The following IL22RA1 variants were observed in gnomAD, a reference collection of about 807,000 sequenced individuals.
IL22RA1 encodes the protein interleukin 22 receptor subunit alpha 1, also known as interleukin-22 receptor subunit alpha-1.
Under a neutral mutation model 32.8 loss-of-function variants are expected in IL22RA1, and 25 were observed. The observed-to-expected ratio is 0.76, with a 90% CI of 0.55 to 1.06. The LOEUF (loss-of-function observed/expected upper bound fraction) is 1.06. Ranked by LOEUF, IL22RA1 falls within the 50% of genes least tolerant of loss-of-function variation. The pLI is 0.00. For synonymous variants in IL22RA1, 305 were observed against 305.0 expected (o/e 1.00, Z 0.00); for missense variants, 709 against 727.4 (o/e 0.97, Z 0.29).
At chr1:24,128,415 C>T in intron 4 of IL22RA1, 136 bp from the exon 5 acceptor site, 5 of 994,346 alleles carry the variant, frequency 5.0e-6, no homozygotes, top group Non-Finnish European at 7.7e-6. Flanking sequence ...TTCCATTCCC[C>T]TCCCTTCTGC....
In IL22RA1 at chr1:24,143,103, C is replaced by A; in HGVS notation, c.-21G>T. Reference sequence around the variant, plus strand: ...CTCATCGGGGCTGGCACAGAGCCCTCCCTTGGCCTCTACTCTGCCGTGCAC... The same window carrying A: ...CTCATCGGGGCTGGCACAGAGCCCTACCTTGGCCTCTACTCTGCCGTGCAC... On this transcript the variant is annotated 5_prime_UTR_variant, in exon 1 of 7. Transcript: ENST00000270800. 1 of 1,609,782 alleles carries A rather than the reference C, an allele frequency of 6.2e-7. No individual in the cohort carries two copies. The highest frequency in any genetic ancestry group is 2.2e-5 in the East Asian group (1 of 44,770).
chr1:24,131,085 A>C (rs1421957093), intron 4 of IL22RA1, among the ~76,000 whole-genome samples: 1 of 152,240 alleles, frequency 6.6e-6, no homozygotes, highest in Non-Finnish European at 1.5e-5. Flanking sequence ...ATGAATAGAA[A>C]ATCTCAGTAG....
rs757926578 is a variant in IL22RA1 at position 24,134,295 on chromosome 1, G to A, written c.447C>T (p.Gly149=). ...VHPTPTPIRA[G]DGHRLTLEDI... is the part of the protein sequence containing the mutation. ...CTTCCAGGGTTAGCCGGTGGCCATCGCCTGCACGGATTGGCGTGGGGGTAG... is the reference window on the plus strand; with the variant it reads ...CTTCCAGGGTTAGCCGGTGGCCATCACCTGCACGGATTGGCGTGGGGGTAG... Residue 149 remains glycine (G), a synonymous_variant, in exon 4 of 7, where the codon GGC becomes GGT. Transcript: ENST00000270800. 17 of 1,609,470 alleles carry A rather than the reference G, an allele frequency of 1.1e-5. No homozygotes were observed. In the South Asian group the frequency reaches 1.1e-4, roughly 10 times the overall value.
At chr1:24,139,276 C>A (rs1479325630) in intron 1 of IL22RA1, among the ~76,000 whole-genome samples, 1 of 152,208 alleles carries the variant, frequency 6.6e-6, no homozygotes, top group Non-Finnish European at 1.5e-5. Context: ...TGGATTAGTA[C>A]TTCCTTTTTA....
chr1:24,123,406 A>C lies in IL22RA1; in HGVS notation c.688T>G (p.Ser230Ala), dbSNP rs752080358. The change falls in exon 6 of 7, where the codon TCC (serine) becomes GCC (alanine). Residue 230 changes from serine to alanine, a missense_variant. By Grantham distance (99) the Ser-to-Ala change is moderately conservative (BLOSUM62 1). Coordinates refer to ENST00000270800, the MANE Select transcript of IL22RA1 (RefSeq NM_021258.4). ...GAGAACAGGAAGGCTCCGGAGAAGG[A>C]GTAGGTCCATGTCCGGTCTGGGAAA... ...KTLPDRTWTY[S>A]FSGAFLFSMG... is the part of the protein sequence containing the mutation. The C allele has an allele frequency of 6.2e-7, 1 of 1,613,766 alleles. No individual in the cohort carries two copies. Among genetic ancestry groups the C allele is most frequent in the South Asian group, 1.1e-5 (1 of 90,950 alleles).
chr1:24,140,457 C>A (rs985357369), intron 1 of IL22RA1, among the ~76,000 whole-genome samples: 1 of 152,072 alleles, frequency 6.6e-6, no homozygotes, highest in African/African-American at 2.4e-5. Flanking sequence ...GGGACCTGAG[C>A]ACCTGATAAA....
rs759939503 is a variant in IL22RA1 at position 24,121,291 on chromosome 1, G to A, written c.1239C>T (p.Asp413=). The change falls in exon 7 of 7, where the codon GAC becomes GAT. Residue 413 remains aspartate (D), a synonymous_variant. Transcript: ENST00000270800. The part of the protein sequence containing the change: ...YGVCMEGSGK[D]SPTGTLSSPK... The stretch of plus-strand genomic sequence containing the variant: ...GACTAGAAAGTGTCCCAGTGGGGGA[G>A]TCTTTGCCAGAACCTTCCATGCATA... 1.9e-6 allele frequency: 3 copies of A among 1,613,824 alleles called. No individual in the cohort carries two copies. The African/African-American group carries it at 4.0e-5, about 22-fold the overall frequency.
chr1:24,121,566 A>G lies in IL22RA1; in HGVS notation c.964T>C (p.Ser322Pro). ...PAGAPQRHSL[S>P]EITYLGQPDI... Reference sequence around the variant, plus strand: ...GGCTGCCCTAAGTAGGTGATCTCGGACAGGCTATGCCGCTGTGGAGCTCCT... The same window carrying G: ...GGCTGCCCTAAGTAGGTGATCTCGGGCAGGCTATGCCGCTGTGGAGCTCCT... Residue 322 changes from serine to proline, a missense_variant, in exon 7 of 7, where the codon TCC becomes CCC. Transcript: ENST00000270800. 6.2e-7 allele frequency: 1 copy of G among 1,609,080 alleles called. No homozygotes were observed. The highest frequency in any genetic ancestry group is 1.1e-5 in the South Asian group (1 of 90,666).
chr1:24,122,756 C>A (rs1570900747), intron 6 of IL22RA1, among the ~76,000 whole-genome samples: 2 of 152,038 alleles, frequency 1.3e-5, no homozygotes, highest in East Asian at 3.9e-4. Context: ...CGAGATCATG[C>A]CACTGCACTC....
Position 24,121,132 on chromosome 1 carries a change from C to T in IL22RA1, c.1398G>A (p.Gln466=). The part of the protein sequence containing the change: ...EESQEAKSLH[Q]PLGICTDRTS... ...TTCTGTCTGTGCAAATCCCCAGGGG[C>T]TGGTGCAATGATTTTGCTTCTTGGG... The change falls in exon 7 of 7, where the codon CAG becomes CAA. Residue 466 remains glutamine (Q), a synonymous_variant. Transcript: ENST00000270800. 4 of 1,614,222 alleles carry T rather than the reference C, an allele frequency of 2.5e-6. No individual in the cohort carries two copies. The highest frequency in any genetic ancestry group is 3.4e-6 in the Non-Finnish European group (4 of 1,180,040).
intron 6 of IL22RA1, 27 bp downstream of exon 6, chr1:24,123,275 C>G (rs376136544): frequency 1.1e-5 from 17 of 1,607,528 alleles, no homozygotes; most frequent in Non-Finnish European, 1.4e-5. Flanking sequence ...CTGGACCTCT[C>G]CCTCCCACCC....
At chr1:24,127,425 C>T (rs183297470) in intron 5 of IL22RA1, among the ~76,000 whole-genome samples, 2 of 152,192 alleles carry the variant, frequency 1.3e-5, no homozygotes, top group Non-Finnish European at 2.9e-5. Flanking sequence ...GATCCTCTTG[C>T]CTCAGCCTTC....
chr1:24,139,739 A>G (rs749773258), intron 1 of IL22RA1, among the ~76,000 whole-genome samples: 3 of 152,116 alleles, frequency 2.0e-5, no homozygotes, highest in Non-Finnish European at 4.4e-5. Context: ...GGTCTCATAT[A>G]TTGTCCAGGA....
chr1:24,143,022 G>A lies in IL22RA1; in HGVS notation c.43+18C>T, dbSNP rs1460635033. On this transcript the variant is annotated intron_variant, in intron 1 of 6. Transcript: ENST00000270800. Reference sequence around the variant, plus strand: ...CTGGGATAAGGGAGGTCTGACCACAGGGTAGATGGGCACTCACCAGCCAGG... The same window carrying A: ...CTGGGATAAGGGAGGTCTGACCACAAGGTAGATGGGCACTCACCAGCCAGG... The A allele has an allele frequency of 1.9e-6, 3 of 1,611,710 alleles. No homozygotes were observed. The highest frequency in any genetic ancestry group is 2.5e-6 in the Non-Finnish European group (3 of 1,178,878).
Position 24,143,052 on chromosome 1 carries a change from C to T in IL22RA1, c.31G>A (p.Gly11Arg), listed in dbSNP as rs1644292305. 4 of 1,613,268 alleles carry T rather than the reference C, an allele frequency of 2.5e-6. No homozygotes were observed. Reference protein sequence around the residue: MRTLLTILTVGSLAAHAPEDP... With the variant: MRTLLTILTVRSLAAHAPEDP... ...GATGGGCACTCACCAGCCAGGGATCCCACAGTCAAGATGGTCAGCAGCGTC... is the reference window on the plus strand; with the variant it reads ...GATGGGCACTCACCAGCCAGGGATCTCACAGTCAAGATGGTCAGCAGCGTC... Residue 11 changes from glycine (G) to arginine (R), a missense_variant, in exon 1 of 7, where the codon GGA (glycine) becomes AGA (arginine). Transcript: ENST00000270800.
intron 4 of IL22RA1, 118 bp from the exon 5 acceptor site, chr1:24,128,397 G>T: frequency 8.1e-7 from 1 of 1,239,708 alleles, no homozygotes; most frequent in Non-Finnish European, 1.2e-6. Flanking sequence ...TCTGTCTTCA[G>T]CCTCTGTTTC....
chr1:24,122,278 T>A (rs981745551), intron 6 of IL22RA1, among the ~76,000 whole-genome samples: 26 of 152,172 alleles, frequency 1.7e-4, no homozygotes, highest in African/African-American at 6.3e-4. Flanking sequence ...GCTTCTGCAG[T>A]GGCCTTGCTG....
intron 5 of IL22RA1, among the ~76,000 whole-genome samples, chr1:24,126,906 C>T (rs1644165312): frequency 2.0e-5 from 3 of 151,778 alleles, no homozygotes; most frequent in Admixed American, 6.6e-5. Context: ...CGTGATGGCT[C>T]ATGCCTGTAA....
intron 1 of IL22RA1, 132 bp from the exon 2 acceptor site, chr1:24,138,846 G>C (rs1644261294): frequency 1.0e-5 from 11 of 1,081,288 alleles, no homozygotes; most frequent in Non-Finnish European, 1.5e-5. Context: ...CCAGCCTGGT[G>C]GGTGGGCAGG....
Sources: allele counts gnomAD v4.1 joint callset (sites outside exome capture counted in the v4.1 genomes callset), GRCh38; gene constraint gnomAD v4.1.1; transcripts MANE v1.5; gene names NCBI Gene and HGNC (gene_info 2026-07-23, HGNC 2026-07-21).